Variants in FAM184B observed in about 807,000 individuals in gnomAD.
FAM184B encodes the protein protein FAM184B.
A neutral mutation model predicts 135.9 loss-of-function variants in FAM184B; 111 were observed. The observed-to-expected ratio is 0.82, with a 90% confidence interval of 0.70 to 0.96. The LOEUF (loss-of-function observed/expected upper bound fraction) is 0.96, where lower values mean the gene tolerates loss of function less well. Among genes scored for constraint, FAM184B ranks in the 40% least tolerant of loss-of-function variants. The pLI is 0.00. For missense variants in FAM184B, 1,375 were observed against 1,323.9 expected (o/e 1.04, Z -0.60); for synonymous variants, 552 against 524.8 (o/e 1.05, Z -0.71).
chr4:17,685,569 A>AAG (rs1195636223), intron 7 of FAM184B, among the ~76,000 whole-genome samples: 2 of 151,360 alleles, frequency 1.3e-5, no homozygotes, highest in Non-Finnish European at 2.9e-5. Context: ...AAAAAAAAAA[A>AAG]AAAAAAAAAA....
chr4:17,632,043 ATTTTTTTTTTTTTTTTTTTTTTTTTTTTT>A lies in FAM184B; in HGVS notation c.*460_*488del, dbSNP rs199549580. The A allele has an allele frequency of 0.58, 69,335 of 119,254 alleles. 19,718 individuals carry two copies. Among genetic ancestry groups the A allele is most frequent in the East Asian group, 0.79 (3,676 of 4,646 alleles). The allele number at this position is 119,254 out of a possible 1,614,324, so 7.4% of individuals were successfully genotyped here. A position where few individuals can be genotyped will look rare whatever the true frequency, so the allele number is the denominator to read the frequency against. On this transcript the variant is annotated 3_prime_UTR_variant, in exon 18 of 18. Transcript: ENST00000265018. ...TTTTAATAACACTGGTTTAATGTCA[ATTTTTTTTTTTTTTTTTTTTTTTTTTTTT>A]TTTTTTTTTTTTTTTGGAGACAGGG... is the stretch of plus-strand genomic sequence containing the variant.
At chr4:17,659,075 G>A (rs997349344) in intron 9 of FAM184B, among the ~76,000 whole-genome samples, 1 of 151,414 alleles carries the variant, frequency 6.6e-6, no homozygotes, top group Non-Finnish European at 1.5e-5. Flanking sequence ...CACCTCCATT[G>A]CTAAAATATA....
Position 17,632,420 on chromosome 4 carries a change from T to C in FAM184B, c.*112A>G. 1.1e-6 allele frequency: 1 copy of C among 912,486 alleles called. No individual in the cohort carries two copies. The highest frequency in any genetic ancestry group is 2.7e-5 in the Admixed American group (1 of 36,940). 56.5% of individuals were successfully genotyped at this position (912,486 alleles called of 1,614,324 possible). A position where few individuals can be genotyped will look rare whatever the true frequency, so the allele number is the denominator to read the frequency against. ...GCCAAAATTTGTTTTAGCTATCATA[T>C]ATAAATCATAAGCATATTATTTGGT... On this transcript the variant is annotated 3_prime_UTR_variant, in exon 18 of 18. Transcript: ENST00000265018.
Position 17,660,038 on chromosome 4 carries a change from A to T in FAM184B, c.1744T>A (p.Ser582Thr). The change falls in exon 9 of 18, where the codon TCT becomes ACT. Residue 582 changes from serine (S) to threonine (T), a missense_variant. Transcript: ENST00000265018. ...TTGGATGTTTTCTCCTTCAACAAAG[A>T]GCCCAGTGGAGGTTGTGGGTCACTT... ...EGSDPQPPLG[S>T]LLKEKTSKIQ... The T allele has an allele frequency of 6.4e-7, 1 of 1,551,626 alleles. No individual in the cohort carries two copies. Among genetic ancestry groups the T allele is most frequent in the Non-Finnish European group, 8.7e-7 (1 of 1,146,996 alleles).
chr4:17,723,736 C>T (rs929021090), intron 1 of FAM184B, among the ~76,000 whole-genome samples: 2 of 152,140 alleles, frequency 1.3e-5, no homozygotes, highest in Non-Finnish European at 2.9e-5. Flanking sequence ...AGGCAGGACA[C>T]GGAGCAAGCT....
At chr4:17,758,833 TTC>T (rs1718480456) in intron 1 of FAM184B, among the ~76,000 whole-genome samples, 1 of 152,118 alleles carries the variant, frequency 6.6e-6, no homozygotes, top group African/African-American at 2.4e-5. Flanking sequence ...GGACTGCATT[TTC>T]TCTCTCTGCT....
intron 10 of FAM184B, among the ~76,000 whole-genome samples, chr4:17,657,737 A>G (rs1715810520): frequency 6.9e-6 from 1 of 144,760 alleles, no homozygotes; most frequent in African/African-American, 2.6e-5. Flanking sequence ...GCTCACTGCA[A>G]CCTCCACCTT....
At chr4:17,731,440 G>A (rs1417898328) in intron 1 of FAM184B, among the ~76,000 whole-genome samples, 4 of 152,076 alleles carry the variant, frequency 2.6e-5, no homozygotes, top group South Asian at 2.1e-4. Flanking sequence ...CCCATCTCAC[G>A]TGCAGAGACA....
At chr4:17,739,553 C>CTGTTTTTGTTTTTT (rs1717979398) in intron 1 of FAM184B, among the ~76,000 whole-genome samples, 1 of 8,682 alleles carries the variant, frequency 1.2e-4, no homozygotes, top group African/African-American at 2.4e-4. Context: ...GTCATACCAA[C>CTGTTTTTGTTTTTT]TGTTTTTTTT....
chr4:17,741,522 C>T (rs985681757), intron 1 of FAM184B, among the ~76,000 whole-genome samples: 3 of 151,948 alleles, frequency 2.0e-5, no homozygotes, highest in Admixed American at 1.3e-4. Context: ...GATGAAACCC[C>T]ATCTCTACTA....
intron 9 of FAM184B, among the ~76,000 whole-genome samples, chr4:17,658,954 C>T (rs1054588887): frequency 6.6e-6 from 1 of 152,142 alleles, no homozygotes; most frequent in African/African-American, 2.4e-5. Flanking sequence ...ACAGGACAGC[C>T]TCCCAGAAAC....
intron 10 of FAM184B, among the ~76,000 whole-genome samples, chr4:17,654,929 T>G (rs1715747233): frequency 6.6e-6 from 1 of 152,170 alleles, no homozygotes; most frequent in Non-Finnish European, 1.5e-5. Context: ...ATGGCTCACC[T>G]CAGCCTTGAC....
intron 10 of FAM184B, among the ~76,000 whole-genome samples, chr4:17,653,837 G>A (rs1715698949): frequency 8.1e-6 from 1 of 123,584 alleles, no homozygotes; most frequent in African/African-American, 3.7e-5. Context: ...TATCTGGGTG[G>A]GCCTCAATCA....
Position 17,709,194 on chromosome 4 carries a change from G to A in FAM184B, c.592C>T (p.Leu198=). 1.3e-6 allele frequency: 2 copies of A among 1,548,250 alleles called. No individual in the cohort carries two copies. Among genetic ancestry groups the A allele is most frequent in the Non-Finnish European group, 1.7e-6 (2 of 1,146,658 alleles). ...TCCACTCGCAGCCGCTGCACCTCTA[G>A]CAGGACCTCCTGCATCTCCGGGCCC... ...GQGPEMQEVL[L]EVQRLRVENQ... The change falls in exon 2 of 18, where the codon CTA becomes TTA. Residue 198 remains leucine, a synonymous_variant. Transcript: ENST00000265018.
intron 8 of FAM184B, among the ~76,000 whole-genome samples, chr4:17,662,477 A>C (rs1196289969): frequency 6.6e-6 from 1 of 152,050 alleles, no homozygotes; most frequent in African/African-American, 2.4e-5. Context: ...GGCTGGGACT[A>C]CAGGTGTGTG....
chr4:17,720,213 T>C (rs1455329901), intron 1 of FAM184B, among the ~76,000 whole-genome samples: 1 of 152,220 alleles, frequency 6.6e-6, no homozygotes. Flanking sequence ...GTCATACTCA[T>C]GTATTCTGTT....
intron 12 of FAM184B, among the ~76,000 whole-genome samples, chr4:17,646,389 C>G (rs1715466583): frequency 6.6e-6 from 1 of 152,180 alleles, no homozygotes; most frequent in Non-Finnish European, 1.5e-5. Flanking sequence ...CCATGGAATA[C>G]TATGCAGCCA....
intron 1 of FAM184B, among the ~76,000 whole-genome samples, chr4:17,767,734 G>A (rs2108996039): frequency 8.1e-6 from 1 of 123,786 alleles, no homozygotes; most frequent in South Asian, 2.5e-4. Flanking sequence ...CCCCCTTTGG[G>A]TCTCAGAAGA....
At chr4:17,748,985 C>G (rs1461390473) in intron 1 of FAM184B, among the ~76,000 whole-genome samples, 1 of 146,066 alleles carries the variant, frequency 6.8e-6, no homozygotes, top group African/African-American at 2.5e-5. Flanking sequence ...TGCCAGCACA[C>G]CCAGCTAATT....
Sources: gnomAD v4.1 joint callset for allele counts (sites outside exome capture counted in the v4.1 genomes callset) on GRCh38, gnomAD v4.1.1 for gene constraint, MANE v1.5 for transcripts, NCBI Gene and HGNC (gene_info 2026-07-23, HGNC 2026-07-21) for gene names.